The following DCDC2 variants were observed in gnomAD, a reference collection of about 807,000 sequenced individuals.
DCDC2 encodes the protein doublecortin domain-containing protein 2.
DCDC2 carries 40 observed loss-of-function variants against 50.2 expected under a neutral mutation model. That is an observed-to-expected ratio of 0.80 (90% CI 0.62 to 1.04). The LOEUF is 1.04. DCDC2 is among the 50% of genes least tolerant of loss of function. The pLI is 0.00. For synonymous variants in DCDC2, 234 were observed against 210.6 expected (o/e 1.11, Z -0.96); for missense variants, 570 against 581.9 (o/e 0.98, Z 0.21).
chr6:24,297,166 C>T (rs953552950), intron 4 of DCDC2, among the ~76,000 whole-genome samples: 7 of 152,166 alleles, frequency 4.6e-5, no homozygotes, highest in Non-Finnish European at 4.4e-5. Flanking sequence ...TTTGCAGGAA[C>T]ATGGAAAGAG....
At chr6:24,349,789 A>G (rs1760332240) in intron 2 of DCDC2, among the ~76,000 whole-genome samples, 1 of 152,070 alleles carries the variant, frequency 6.6e-6, no homozygotes. Flanking sequence ...ATGCAAAATG[A>G]CTCAGGAGCA....
intron 2 of DCDC2, among the ~76,000 whole-genome samples, chr6:24,329,142 T>C (rs58822710): frequency 6.6e-6 from 1 of 152,112 alleles, no homozygotes; most frequent in African/African-American, 2.4e-5. Context: ...GAGCCCTCCC[T>C]ACTGACGGAA....
upstream of DCDC2, among the ~76,000 whole-genome samples, chr6:24,359,244 T>C (rs1398159515): frequency 2.5e-5 from 2 of 81,514 alleles, no homozygotes; most frequent in Non-Finnish European, 4.2e-5. Flanking sequence ...ATATATTTTA[T>C]ATATTATATA....
intron 2 of DCDC2, among the ~76,000 whole-genome samples, chr6:24,347,908 A>G (rs1760298073): frequency 6.6e-6 from 1 of 152,224 alleles, no homozygotes; most frequent in African/African-American, 2.4e-5. Context: ...AGGCATGTGC[A>G]AGGCAAATGG....
chr6:24,316,531 G>T (rs1005905141), intron 2 of DCDC2, among the ~76,000 whole-genome samples: 18 of 152,094 alleles, frequency 1.2e-4, no homozygotes, highest in African/African-American at 4.3e-4. Flanking sequence ...AGTGCTTTAA[G>T]AAAACCTGAA....
At chr6:24,239,673 G>A (rs781374369) in intron 7 of DCDC2, among the ~76,000 whole-genome samples, 12 of 152,132 alleles carry the variant, frequency 7.9e-5, no homozygotes, top group Non-Finnish European at 1.6e-4. Context: ...CATGTTCCCA[G>A]GCTAAAAGGA....
At chr6:24,227,477 G>A (rs933423020) in intron 7 of DCDC2, among the ~76,000 whole-genome samples, 1 of 152,182 alleles carries the variant, frequency 6.6e-6, no homozygotes, top group South Asian at 2.1e-4. Context: ...TGAATGTTGA[G>A]GAATGAGAGA....
At chr6:24,223,043 A>C (rs1457800280) in intron 7 of DCDC2, among the ~76,000 whole-genome samples, 1 of 152,244 alleles carries the variant, frequency 6.6e-6, no homozygotes, top group Non-Finnish European at 1.5e-5. Context: ...TCAGTGGCCA[A>C]ATGAATTTAG....
At chr6:24,295,478 A>G (rs184834995) in intron 4 of DCDC2, among the ~76,000 whole-genome samples, 5 of 152,300 alleles carry the variant, frequency 3.3e-5, no homozygotes, top group Admixed American at 3.3e-4. Flanking sequence ...GGCAGTCATC[A>G]GGCAAGACAA....
chr6:24,345,190 C>A (rs1237880324), intron 2 of DCDC2, among the ~76,000 whole-genome samples: 1 of 152,106 alleles, frequency 6.6e-6, no homozygotes, highest in Admixed American at 6.6e-5. Context: ...AATCACCATG[C>A]CTTCCTGCAA....
At chr6:24,343,051 CTT>C (rs11322032) in intron 2 of DCDC2, among the ~76,000 whole-genome samples, 69 of 124,050 alleles carry the variant, frequency 5.6e-4, no homozygotes, top group Middle Eastern at 4.2e-3. Context: ...GGTAAATATT[CTT>C]TTTTTTTTTT....
intron 8 of DCDC2, among the ~76,000 whole-genome samples, chr6:24,179,580 T>TA (rs1761011317): frequency 5.2e-5 from 6 of 116,156 alleles, no homozygotes; most frequent in Non-Finnish European, 1.1e-4. Context: ...AAAAAAAGAA[T>TA]AAATACTAAA....
chr6:24,191,814 T>A (rs1249625963), intron 8 of DCDC2, among the ~76,000 whole-genome samples: 1 of 150,960 alleles, frequency 6.6e-6, no homozygotes, highest in Non-Finnish European at 1.5e-5. Flanking sequence ...CACAGAAGAG[T>A]GGAAAGGGAA....
chr6:24,276,339 A>G (rs1763356755), intron 7 of DCDC2, among the ~76,000 whole-genome samples: 1 of 152,042 alleles, frequency 6.6e-6, no homozygotes, highest in South Asian at 2.1e-4. Context: ...TACTGGAAGT[A>G]AGGATTGGGA....
chr6:24,353,540 T>A (rs778114027), intron 2 of DCDC2, 29 bp downstream of exon 2: 2 of 1,420,516 alleles, frequency 1.4e-6, no homozygotes, highest in East Asian at 4.6e-5. Flanking sequence ...CGTTATTTAT[T>A]TGAATTTTCA....
At chr6:24,324,891 A>G (rs1759830498) in intron 2 of DCDC2, among the ~76,000 whole-genome samples, 1 of 152,022 alleles carries the variant, frequency 6.6e-6, no homozygotes, top group Non-Finnish European at 1.5e-5. Flanking sequence ...TAAAAAAAAA[A>G]AACAAAGAAA....
At chr6:24,260,101 CCTT>C (rs1189562279) in intron 7 of DCDC2, among the ~76,000 whole-genome samples, 1 of 152,220 alleles carries the variant, frequency 6.6e-6, no homozygotes. Flanking sequence ...TTCCCTCTCT[CCTT>C]CTACTCCTTT....
intron 7 of DCDC2, among the ~76,000 whole-genome samples, chr6:24,206,109 C>T (rs894162069): frequency 4.6e-5 from 7 of 152,234 alleles, no homozygotes; most frequent in Non-Finnish European, 8.8e-5. Flanking sequence ...AATAATCTTT[C>T]GTATTGCTAA....
chr6:24,370,314 G>A, the DCDC2 span, among the ~76,000 whole-genome samples: 12 of 152,298 alleles, frequency 7.9e-5, no homozygotes, highest in African/African-American at 2.9e-4. Flanking sequence ...AAATGGCGCA[G>A]CCTCTTTGGA....
Sources: gnomAD v4.1 joint callset for allele counts (sites outside exome capture counted in the v4.1 genomes callset) on GRCh38, gnomAD v4.1.1 for gene constraint, MANE v1.5 for transcripts, NCBI Gene and HGNC (gene_info 2026-07-23, HGNC 2026-07-21) for gene names.